COL5A1: variants seen among roughly 807,000 people sequenced by gnomAD.
The protein encoded by COL5A1 is collagen type V alpha 1 chain.
COL5A1 carries 16 observed loss-of-function variants against 263.7 expected under a neutral mutation model. The observed-to-expected ratio is 0.06, with a 90% CI of 0.04 to 0.09. The LOEUF (loss-of-function observed/expected upper bound fraction) is 0.09, where lower values mean the gene tolerates loss of function less well. COL5A1 is among the 10% of genes least tolerant of loss of function. COL5A1 has a pLI of 1.00. For missense variants in COL5A1, 2,036 were observed against 2,540.5 expected, an observed-to-expected ratio of 0.80 and a Z score of 4.27; for synonymous variants, 1,012 against 1,004.5, an observed-to-expected ratio of 1.01 and a Z score of -0.14.
intron 4 of COL5A1, among the ~76,000 whole-genome samples, chr9:134,710,705 G>A (rs1387845828): frequency 5.0e-4 from 69 of 137,800 alleles, no homozygotes; most frequent in African/African-American, 1.9e-3. Flanking sequence ...CCCATTTAGT[G>A]CAGTGGTGGG....
chr9:134,772,724 G>C lies in COL5A1; in HGVS notation c.2287-66G>C. 4 of 1,491,242 alleles carry C rather than the reference G, an allele frequency of 2.7e-6. No homozygotes were observed. In the South Asian group the frequency reaches 4.5e-5, roughly 17 times the overall value. 92.4% of individuals were successfully genotyped at this position (1,491,242 alleles called of 1,614,324 possible). ...CATGATCATGGATGCTACGCAGGGA[G>C]GGGAAGCGAGGGAGGCTGCTTTCTG... On this transcript the variant is annotated intron_variant, in intron 25 of 65. Transcript: ENST00000371817.
chr9:134,753,959 A>AGCGACG, intron 15 of COL5A1, 56 bp downstream of exon 15: 1 of 1,462,650 alleles, frequency 6.8e-7, no homozygotes. Context: ...CTCCGGCGGC[A>AGCGACG]GCGACGGCGA....
intron 29 of COL5A1, among the ~76,000 whole-genome samples, chr9:134,783,196 C>G (rs1433713133): frequency 6.6e-6 from 1 of 152,244 alleles, no homozygotes; most frequent in African/African-American, 2.4e-5. Context: ...TCCCTGTGAG[C>G]CTGGGGAGCG....
In COL5A1 at chr9:134,842,090, GT is replaced by G. The variant is rs1830120985; in HGVS notation, c.5371-66del. 9.5e-6 allele frequency: 15 copies of G among 1,583,622 alleles called. No homozygotes were observed. Among genetic ancestry groups the G allele is most frequent in the South Asian group, 3.3e-5 (3 of 90,398 alleles). On this transcript the variant is annotated intron_variant, in intron 65 of 65. Coordinates refer to ENST00000371817, the MANE Select transcript of COL5A1 (RefSeq NM_000093.5). The surrounding 1 kb of genome is among the most constrained non-coding windows in gnomAD (Gnocchi z 5.8). ...TTTGGAGCCAGACAGATTGTGGGGG[GT>G]GATTGGTAAACCCCAAGACCCCCAA...
rs140287976 is a variant in COL5A1, at chr9:134,672,831, A to G, written c.110-18081A>G. On this transcript the variant is annotated intron_variant, in intron 1 of 65. Coordinates refer to ENST00000371817, the MANE Select transcript of COL5A1 (RefSeq NM_000093.5). Reference sequence around the variant, plus strand: ...AAAGTTTAGCATGGCGACAGAATACAAAGTCAATTTACAAAAATTCATTGT... The same window carrying G: ...AAAGTTTAGCATGGCGACAGAATACGAAGTCAATTTACAAAAATTCATTGT... Among the ~76,000 whole-genome samples, 791 of 152,368 alleles carry G rather than the reference A, an allele frequency of 5.2e-3. 5 individuals are homozygous for G. Among genetic ancestry groups the G allele is most frequent in the Non-Finnish European group, 8.7e-3 (590 of 68,028 alleles).
chr9:134,684,322 C>T (rs1047738486), intron 1 of COL5A1, among the ~76,000 whole-genome samples: 2 of 152,188 alleles, frequency 1.3e-5, no homozygotes, highest in Non-Finnish European at 2.9e-5. Flanking sequence ...TCCAGCAGCC[C>T]CCCAGGTCTC....
intron 43 of COL5A1, among the ~76,000 whole-genome samples, chr9:134,809,658 T>C (rs1838442415): frequency 6.6e-6 from 1 of 152,252 alleles, no homozygotes; most frequent in Admixed American, 6.5e-5. Context: ...TCAGTATCTA[T>C]TTTTAAATGT....
intron 1 of COL5A1, among the ~76,000 whole-genome samples, chr9:134,659,510 A>G (rs1588413420): frequency 6.6e-6 from 1 of 152,234 alleles, no homozygotes; most frequent in Admixed American, 6.5e-5. Context: ...TAGCCAAGGA[A>G]GGTGGGGTTT....
chr9:134,772,871 C>T (rs1415206932), intron 26 of COL5A1, 37 bp downstream of exon 26: 1 of 1,609,040 alleles, frequency 6.2e-7, no homozygotes, highest in Admixed American at 1.7e-5. Context: ...CTTCAGCATC[C>T]AGGTGGGGCG....
chr9:134,728,524 C>A, intron 5 of COL5A1, 146 bp from the exon 6 acceptor site: 1 of 1,091,212 alleles, frequency 9.2e-7, no homozygotes, highest in Non-Finnish European at 1.4e-6. Flanking sequence ...GGGAGGAACC[C>A]CATCCGGGGA....
chr9:134,767,080 G>A (rs542653894), intron 23 of COL5A1, 27 bp downstream of exon 23: 128 of 1,610,330 alleles, frequency 7.9e-5, no homozygotes, highest in South Asian at 6.2e-4. Flanking sequence ...GAGGCAGCTC[G>A]CAGGGATCCG....
intron 63 of COL5A1, among the ~76,000 whole-genome samples, chr9:134,829,647 C>T (rs13297998): frequency 0.02 from 2,695 of 131,734 alleles, 38 homozygotes; most frequent in Middle Eastern, 0.041. Context: ...CCGAGGGCCC[C>T]GGCCAGGCTC....
intron 4 of COL5A1, among the ~76,000 whole-genome samples, chr9:134,706,260 A>C (rs74729886): frequency 6.6e-6 from 1 of 152,278 alleles, no homozygotes; most frequent in African/African-American, 2.4e-5. Flanking sequence ...GACTCAGGGC[A>C]TTGCTCCCTA....
rs978932793 is a variant in COL5A1, at chr9:134,741,432, G to A, written c.1494+2624G>A. On this transcript the variant is annotated intron_variant, in intron 11 of 65. Transcript: ENST00000371817. The surrounding 1 kb of genome is among the most constrained non-coding windows in gnomAD (Gnocchi z 4.5). ...AGAAGTGGCTAGACCAAGGAAAAGG[G>A]GGTTTGGGCTTCGCGGGGTGACAGA... 1.3e-5 allele frequency among the ~76,000 whole-genome samples: 2 copies of A among 152,196 alleles called. No individual in the cohort carries two copies. Among genetic ancestry groups the A allele is most frequent in the African/African-American group, 4.8e-5 (2 of 41,448 alleles).
intron 1 of COL5A1, chr9:134,653,067 G>C (rs1346778399): frequency 5.0e-6 from 1 of 199,792 alleles, no homozygotes. Flanking sequence ...GCGCTGGAGA[G>C]AAGAGAGGAG....
In COL5A1 at chr9:134,742,718, GC is replaced by G. The variant is rs1157266584; in HGVS notation, c.1494+3911del. ...CACCTGCCAGTGCGTTTCTGTAGGGGCTGACTCTTTTGCGCATCCGGGAATA... is the reference window on the plus strand; with the variant it reads ...CACCTGCCAGTGCGTTTCTGTAGGGGTGACTCTTTTGCGCATCCGGGAATA... On this transcript the variant is annotated intron_variant, in intron 11 of 65. Coordinates refer to ENST00000371817, the MANE Select transcript of COL5A1 (RefSeq NM_000093.5). The surrounding 1 kb of genome is among the most constrained non-coding windows in gnomAD (Gnocchi z 4.6). 6.6e-6 allele frequency among the ~76,000 whole-genome samples: 1 copy of G among 152,224 alleles called. No individual in the cohort carries two copies. Among genetic ancestry groups the G allele is most frequent in the African/African-American group, 2.4e-5 (1 of 41,454 alleles).
intron 38 of COL5A1, 124 bp from the exon 39 acceptor site, chr9:134,802,764 G>T (rs1838158716): frequency 1.3e-6 from 1 of 761,500 alleles, no homozygotes; most frequent in Non-Finnish European, 2.3e-6. Context: ...GCACTTGGAG[G>T]TTTGGTGTGC....
At chr9:134,831,681 A>AGCTCTCAGCCTCCAAAAAGAGCC (rs1324388590) in intron 64 of COL5A1, among the ~76,000 whole-genome samples, 5 of 152,220 alleles carry the variant, frequency 3.3e-5, no homozygotes, top group African/African-American at 1.2e-4. Context: ...CCGCAATGAC[A>AGCTCTCAGCCTCCAAAAAGAGCC]GCTCTCAGCC....
intron 11 of COL5A1, among the ~76,000 whole-genome samples, chr9:134,749,047 G>A (rs1216713605): frequency 6.6e-6 from 1 of 152,220 alleles, no homozygotes; most frequent in Non-Finnish European, 1.5e-5. Flanking sequence ...GACCAGCCTG[G>A]CCAAGGTGGT....
Sources: gnomAD v4.1 joint callset for allele counts (sites outside exome capture counted in the v4.1 genomes callset) on GRCh38, gnomAD v4.1.1 for gene constraint, Gnocchi (gnomAD v3.1) non-coding constraint, MANE v1.5 for transcripts, NCBI Gene and HGNC (gene_info 2026-07-23, HGNC 2026-07-21) for gene names.